MAML2: variants seen among roughly 807,000 people sequenced by gnomAD.
MAML2 encodes the protein mastermind like transcriptional coactivator 2.
In MAML2, 22 loss-of-function variants were observed where a neutral mutation model predicts 96.1. The observed-to-expected ratio is 0.23, with a 90% CI of 0.16 to 0.33. MAML2 has a LOEUF of 0.33. Ranked by LOEUF, MAML2 falls within the 10% of genes least tolerant of loss-of-function variation. The pLI is 1.00. For synonymous variants in MAML2, 561 were observed against 521.3 expected (o/e 1.08, Z -1.04); for missense variants, 1,367 against 1,392.4 (o/e 0.98, Z 0.29).
chr11:96,303,814 A>G (rs999877557), intron 1 of MAML2, among the ~76,000 whole-genome samples: 1 of 152,186 alleles, frequency 6.6e-6, no homozygotes, highest in African/African-American at 2.4e-5. Flanking sequence ...GTACTTCTGT[A>G]TAAATCCTGG....
At chr11:96,187,955 CT>C (rs1470229968) in intron 1 of MAML2, among the ~76,000 whole-genome samples, 2 of 152,202 alleles carry the variant, frequency 1.3e-5, no homozygotes, top group African/African-American at 4.8e-5. Flanking sequence ...ATTCATTCGG[CT>C]GGCATTTGGC....
intron 2 of MAML2, among the ~76,000 whole-genome samples, chr11:95,997,293 TGTGA>T (rs1356357132): frequency 6.6e-6 from 1 of 152,140 alleles, no homozygotes; most frequent in South Asian, 2.1e-4. Flanking sequence ...TTTCCACGTT[TGTGA>T]GTGTGTGTGT....
intron 1 of MAML2, among the ~76,000 whole-genome samples, chr11:96,166,175 TCTCACACACACACACACACACACACA>T (rs1861189812): frequency 9.8e-6 from 1 of 101,824 alleles, no homozygotes; most frequent in Non-Finnish European, 2.1e-5. Flanking sequence ...TCTCTCTCTC[TCTCACACACACACACACACACACACA>T]CACACACACA....
At chr11:96,235,237 C>T (rs1238545215) in intron 1 of MAML2, among the ~76,000 whole-genome samples, 1 of 152,072 alleles carries the variant, frequency 6.6e-6, no homozygotes, top group East Asian at 1.9e-4. Context: ...AACTATGACT[C>T]AAGGGCCAAA....
intron 1 of MAML2, among the ~76,000 whole-genome samples, chr11:96,111,461 G>A (rs1023212178): frequency 4.6e-5 from 7 of 152,142 alleles, no homozygotes; most frequent in South Asian, 2.1e-4. Context: ...CCCATTGTTT[G>A]ACTCCTTTTA....
intron 1 of MAML2, among the ~76,000 whole-genome samples, chr11:96,147,648 C>G (rs372326866): frequency 6.6e-6 from 1 of 152,226 alleles, no homozygotes; most frequent in Admixed American, 6.5e-5. Context: ...TTAACTAAAA[C>G]TTTCCTTTTT....
chr11:96,341,692 C>G lies in MAML2; in HGVS notation c.204G>C (p.Arg68=), dbSNP rs1238051785. Residue 68 remains arginine (R), a synonymous_variant, in exon 1 of 5, where the codon CGG becomes CGC. Coordinates refer to ENST00000524717, the MANE Select transcript of MAML2 (RefSeq NM_032427.4). ...GGAGCTGCAAGGTGCTTTCTCTTTC[C>G]CGGTCTGAGCTCTCGGCCCTACCTC... ...YERGRAESSD[R]ERESTLQLLS... is the part of the protein sequence containing the mutation. 1.9e-6 allele frequency: 3 copies of G among 1,604,800 alleles called. No homozygotes were observed. In the South Asian group the frequency reaches 3.4e-5, roughly 18 times the overall value.
chr11:96,069,957 G>T (rs559547168), intron 2 of MAML2, among the ~76,000 whole-genome samples: 248 of 151,640 alleles, frequency 1.6e-3, no homozygotes, highest in African/African-American at 5.9e-3. Flanking sequence ...CTGAGAGGCG[G>T]AGGTTGCAGT....
chr11:96,121,780 ATTTTT>A (rs543373689), intron 1 of MAML2, among the ~76,000 whole-genome samples: 5 of 35,236 alleles, frequency 1.4e-4, no homozygotes, highest in Non-Finnish European at 2.0e-4. Context: ...CAACTGCGTG[ATTTTT>A]TTTTTTTTTT....
At chr11:96,094,807 C>T (rs1235567465) in intron 1 of MAML2, among the ~76,000 whole-genome samples, 5 of 152,168 alleles carry the variant, frequency 3.3e-5, no homozygotes, top group Admixed American at 1.3e-4. Context: ...GTAAAATACA[C>T]GAGGCAAGAA....
intron 1 of MAML2, among the ~76,000 whole-genome samples, chr11:96,158,509 C>T (rs1861047886): frequency 6.6e-6 from 1 of 152,202 alleles, no homozygotes; most frequent in Admixed American, 6.5e-5. Flanking sequence ...CCTAAAGCCT[C>T]TGAGAACTTC....
chr11:96,173,256 A>AT (rs35136998), intron 1 of MAML2, among the ~76,000 whole-genome samples: 80 of 152,322 alleles, frequency 5.3e-4, no homozygotes, highest in African/African-American at 1.9e-3. Context: ...TGTAGAGTAT[A>AT]TTTTTTCTCT....
chr11:95,980,508 C>T (rs1857720962), intron 4 of MAML2, among the ~76,000 whole-genome samples: 1 of 152,196 alleles, frequency 6.6e-6, no homozygotes, highest in African/African-American at 2.4e-5. Flanking sequence ...GGGTAAATCT[C>T]CATCTCTTTA....
intron 1 of MAML2, among the ~76,000 whole-genome samples, chr11:96,125,396 G>A (rs1313139555): frequency 6.6e-6 from 1 of 152,066 alleles, no homozygotes; most frequent in Non-Finnish European, 1.5e-5. Flanking sequence ...TGCAGGAGAG[G>A]CATGAGGTGA....
chr11:96,017,765 G>A (rs996861416), intron 2 of MAML2, among the ~76,000 whole-genome samples: 7 of 152,030 alleles, frequency 4.6e-5, no homozygotes, highest in Admixed American at 6.6e-5. Flanking sequence ...TGTTTCATCC[G>A]CCTGAAGCCT....
In MAML2 at chr11:95,990,465, T is replaced by A. The variant is rs1185713257; in HGVS notation, c.2343+1055A>T. Among the ~76,000 whole-genome samples the A allele has an allele frequency of 3.3e-5, 5 of 152,142 alleles. No homozygotes were observed. The East Asian group carries it at 9.6e-4, about 29-fold the overall frequency. ...CTGGCTGAAATAACCCTCCTACTCA[T>A]CTCTTACTCCACTTTCAGATATTCG... On this transcript the variant is annotated intron_variant, in intron 3 of 4. Coordinates refer to ENST00000524717, the MANE Select transcript of MAML2 (RefSeq NM_032427.4).
chr11:95,983,714 G>A (rs1447397506), intron 4 of MAML2, among the ~76,000 whole-genome samples: 1 of 149,886 alleles, frequency 6.7e-6, no homozygotes, highest in Non-Finnish European at 1.5e-5. Context: ...TTTAAAAATT[G>A]TAAGAAAATA....
At chr11:96,051,128 C>A (rs559296870) in intron 2 of MAML2, among the ~76,000 whole-genome samples, 3 of 152,112 alleles carry the variant, frequency 2.0e-5, no homozygotes, top group Non-Finnish European at 4.4e-5. Context: ...TTCTGTAGTG[C>A]CTTTATCTAT....
chr11:96,117,528 G>A (rs1384764279), intron 1 of MAML2, among the ~76,000 whole-genome samples: 2 of 151,826 alleles, frequency 1.3e-5, no homozygotes, highest in African/African-American at 4.8e-5. Flanking sequence ...TCAAACTCCT[G>A]AGCTCAAGCA....
Sources: gnomAD v4.1 joint callset for allele counts (sites outside exome capture counted in the v4.1 genomes callset) on GRCh38, gnomAD v4.1.1 for gene constraint, MANE v1.5 for transcripts, NCBI Gene and HGNC (gene_info 2026-07-23, HGNC 2026-07-21) for gene names.